The following MAML3 variants were observed in gnomAD, a reference collection of about 807,000 sequenced individuals.
The protein encoded by MAML3 is mastermind like transcriptional coactivator 3, also known as mastermind-like protein 3.
In MAML3, 27 loss-of-function variants were observed where a neutral mutation model predicts 101.9. That is an observed-to-expected ratio of 0.27 (90% CI 0.20 to 0.37). The LOEUF (loss-of-function observed/expected upper bound fraction) is 0.37. Among genes scored for constraint, MAML3 ranks in the 10% least tolerant of loss-of-function variants. MAML3 has a pLI of 1.00. For missense variants in MAML3, 1,316 were observed against 1,444.9 expected (o/e 0.91, Z 1.45); for synonymous variants, 501 against 555.9 (o/e 0.90, Z 1.39).
intron 1 of MAML3, among the ~76,000 whole-genome samples, chr4:139,916,077 C>G (rs1179636784): frequency 2.6e-5 from 4 of 152,216 alleles, no homozygotes; most frequent in African/African-American, 9.7e-5. Flanking sequence ...AATGAGGAAA[C>G]TGGGGCTCAG....
chr4:140,148,852 AACAGGGGTC>A (rs1312271812), intron 1 of MAML3, among the ~76,000 whole-genome samples: 2 of 152,230 alleles, frequency 1.3e-5, no homozygotes, highest in African/African-American at 2.4e-5. Context: ...AGCTCTTCAG[AACAGGGGTC>A]ACATAGATTT....
At chr4:140,130,101 G>A (rs571485739) in intron 1 of MAML3, among the ~76,000 whole-genome samples, 18 of 152,182 alleles carry the variant, frequency 1.2e-4, no homozygotes, top group South Asian at 2.1e-4. Context: ...GATAAAAGAC[G>A]GATAAGAAAG....
intron 1 of MAML3, among the ~76,000 whole-genome samples, chr4:139,929,933 A>G (rs1733346873): frequency 6.6e-6 from 1 of 152,162 alleles, no homozygotes; most frequent in Non-Finnish European, 1.5e-5. Context: ...GTCTGGTGTG[A>G]ATGCCCAGCC....
chr4:140,075,714 T>C (rs1354505093), intron 1 of MAML3, among the ~76,000 whole-genome samples: 4 of 152,028 alleles, frequency 2.6e-5, no homozygotes, highest in African/African-American at 9.7e-5. Context: ...TTTCAAATTT[T>C]TTTTGTAGAG....
chr4:139,779,134 A>T (rs1323542960), intron 2 of MAML3, among the ~76,000 whole-genome samples: 2 of 152,190 alleles, frequency 1.3e-5, no homozygotes, highest in Non-Finnish European at 2.9e-5. Context: ...GCACACATAC[A>T]ATGGCTGACC....
chr4:139,854,755 A>T (rs1175202709), intron 2 of MAML3, among the ~76,000 whole-genome samples: 1 of 152,142 alleles, frequency 6.6e-6, no homozygotes, highest in African/African-American at 2.4e-5. Flanking sequence ...CTAGTGCAGG[A>T]GGAAGGCCTG....
At chr4:140,048,747 A>G (rs1282950424) in intron 1 of MAML3, among the ~76,000 whole-genome samples, 6 of 152,224 alleles carry the variant, frequency 3.9e-5, no homozygotes, top group Non-Finnish European at 8.8e-5. Flanking sequence ...GCCAAGACTG[A>G]AAATCGTAAC....
rs973005880 is a variant in MAML3 at position 139,719,174 on chromosome 4, C to A, written c.*149G>T. The A allele has an allele frequency of 1.3e-5, 11 of 861,886 alleles. No individual in the cohort carries two copies. Among genetic ancestry groups the A allele is most frequent in the Non-Finnish European group, 1.9e-5 (11 of 581,224 alleles). 53.4% of individuals were successfully genotyped at this position (861,886 alleles called of 1,614,324 possible). On this transcript the variant is annotated 3_prime_UTR_variant, in exon 5 of 5. Transcript: ENST00000509479. ...GAGGCCTGGTGGGGCTGTGGATTGG[C>A]ACCTGGATCTTCCATTGTCAGCCAG...
intron 1 of MAML3, among the ~76,000 whole-genome samples, chr4:139,917,827 C>A (rs546642683): frequency 1.3e-5 from 2 of 152,218 alleles, no homozygotes; most frequent in Admixed American, 1.3e-4. Flanking sequence ...AGAAAATGAC[C>A]TCTATGATTC....
intron 1 of MAML3, among the ~76,000 whole-genome samples, chr4:139,984,462 C>G (rs1734500196): frequency 1.3e-5 from 2 of 152,086 alleles, no homozygotes; most frequent in South Asian, 4.1e-4. Flanking sequence ...ATGAAAAAGT[C>G]AACATACCTA....
At chr4:140,040,724 A>T (rs1727072538) in intron 1 of MAML3, among the ~76,000 whole-genome samples, 1 of 152,228 alleles carries the variant, frequency 6.6e-6, no homozygotes, top group African/African-American at 2.4e-5. Flanking sequence ...TACTGACCTT[A>T]TCTTGCCAGA....
chr4:140,056,395 T>C (rs1055645532), intron 1 of MAML3, among the ~76,000 whole-genome samples: 6 of 151,494 alleles, frequency 4.0e-5, no homozygotes, highest in African/African-American at 7.3e-5. Flanking sequence ...CTTGCTCTTG[T>C]CGCCCAGGCT....
At chr4:140,129,832 G>A (rs540240817) in intron 1 of MAML3, among the ~76,000 whole-genome samples, 9 of 152,076 alleles carry the variant, frequency 5.9e-5, no homozygotes, top group Non-Finnish European at 1.3e-4. Context: ...AGGCATGGTG[G>A]CGTGCACCTG....
intron 1 of MAML3, among the ~76,000 whole-genome samples, chr4:140,020,539 A>C (rs2110875385): frequency 6.6e-6 from 1 of 152,298 alleles, no homozygotes; most frequent in East Asian, 1.9e-4. Flanking sequence ...AAAGTGTATA[A>C]ATATATTACA....
At chr4:139,848,411 TC>T (rs1731488000) in intron 2 of MAML3, among the ~76,000 whole-genome samples, 1 of 152,202 alleles carries the variant, frequency 6.6e-6, no homozygotes, top group African/African-American at 2.4e-5. Context: ...GATATATGCA[TC>T]TACAAACACA....
chr4:139,830,148 TC>T (rs1252915318), intron 2 of MAML3, among the ~76,000 whole-genome samples: 1 of 152,152 alleles, frequency 6.6e-6, no homozygotes, highest in East Asian at 1.9e-4. Flanking sequence ...TCACTCCATA[TC>T]CAAAAAATGA....
chr4:139,994,626 C>T (rs558738823), intron 1 of MAML3, among the ~76,000 whole-genome samples: 15 of 152,266 alleles, frequency 9.9e-5, no homozygotes, highest in African/African-American at 3.6e-4. Flanking sequence ...TGCCACTGCA[C>T]TCCAGCCTGG....
intron 2 of MAML3, among the ~76,000 whole-genome samples, chr4:139,804,353 G>A (rs986479895): frequency 1.3e-5 from 2 of 150,952 alleles, no homozygotes; most frequent in Admixed American, 6.6e-5. Flanking sequence ...TGCAACCTCC[G>A]CCTCCCGGGT....
intron 1 of MAML3, among the ~76,000 whole-genome samples, chr4:139,947,747 A>G (rs1298066933): frequency 1.3e-5 from 2 of 152,152 alleles, no homozygotes; most frequent in African/African-American, 2.4e-5. Flanking sequence ...TCCGTCTCAA[A>G]AATCAAAACA....
Sources: allele counts gnomAD v4.1 joint callset (sites outside exome capture counted in the v4.1 genomes callset), GRCh38; gene constraint gnomAD v4.1.1; transcripts MANE v1.5; gene names NCBI Gene and HGNC (gene_info 2026-07-23, HGNC 2026-07-21).